Variants in ORC1 observed in about 807,000 individuals in gnomAD.
ORC1 encodes origin recognition complex, subunit 1 homolog.
In ORC1, 61 loss-of-function variants were observed where a neutral mutation model predicts 98.9. That is an observed-to-expected ratio of 0.62 (90% confidence interval 0.50 to 0.76). The LOEUF (loss-of-function observed/expected upper bound fraction) is 0.76, where lower values mean the gene tolerates loss of function less well. ORC1 is among the 30% of genes least tolerant of loss of function. ORC1 has a pLI of 0.00. For missense variants in ORC1, 979 were observed against 1,072.2 expected, an observed-to-expected ratio of 0.91 and a Z score of 1.21; for synonymous variants, 385 against 406.9, an observed-to-expected ratio of 0.95 and a Z score of 0.65.
At chr1:52,402,745 C>A (rs1338473056) in intron 1 of ORC1, among the ~76,000 whole-genome samples, 1 of 152,096 alleles carries the variant, frequency 6.6e-6, no homozygotes, top group Non-Finnish European at 1.5e-5. Context: ...ACCAGCCTGG[C>A]CAACATGGTG....
chr1:52,385,367 T>C (rs1258332725), intron 9 of ORC1, 105 bp from the exon 10 acceptor site: 4 of 851,834 alleles, frequency 4.7e-6, no homozygotes, highest in Non-Finnish European at 8.2e-6. Context: ...TCTATGTTTC[T>C]ACCTGAAAAC....
chr1:52,402,011 T>C (rs1383983091), intron 2 of ORC1, 118 bp downstream of exon 2: 1 of 815,502 alleles, frequency 1.2e-6, no homozygotes, highest in East Asian at 2.6e-5. Context: ...TTACAATCAG[T>C]TCTAATCTCC....
At chr1:52,374,926 T>C (rs1646974848) in intron 15 of ORC1, 29 bp from the exon 16 acceptor site, 1 of 1,443,990 alleles carries the variant, frequency 6.9e-7, no homozygotes, top group Non-Finnish European at 9.8e-7. Flanking sequence ...ATGTGAGTTT[T>C]TGTCAGTGGC....
upstream of ORC1, chr1:52,404,631 T>A: frequency 3.5e-6 from 4 of 1,133,432 alleles, no homozygotes; most frequent in South Asian, 6.2e-5. Flanking sequence ...TTCAAGATGG[T>A]CGCCTAAGCT....
upstream of ORC1, chr1:52,404,952 T>C (rs1569969962): frequency 3.8e-6 from 6 of 1,560,794 alleles, no homozygotes; most frequent in East Asian, 1.3e-4. Context: ...CGGGTAGGAC[T>C]AGCGACTGGC....
chr1:52,407,674 AC>A (rs1648036817), upstream of ORC1, among the ~76,000 whole-genome samples: 1 of 152,214 alleles, frequency 6.6e-6, no homozygotes, highest in South Asian at 2.1e-4. Flanking sequence ...TAATCCCAGC[AC>A]TTTGGGAGGC....
At chr1:52,389,850 A>G (rs1465766845) in intron 6 of ORC1, among the ~76,000 whole-genome samples, 1 of 152,244 alleles carries the variant, frequency 6.6e-6, no homozygotes, top group Non-Finnish European at 1.5e-5. Flanking sequence ...ATTTGAGAAT[A>G]GTCTCCAGTT....
chr1:52,404,227 C>G lies in ORC1; in HGVS notation c.-6+19G>C, dbSNP rs1647878267. The G allele has an allele frequency of 1.3e-5, 2 of 158,824 alleles. No individual in the cohort carries two copies. The highest frequency in any genetic ancestry group is 2.8e-5 in the Non-Finnish European group (2 of 71,212). The allele number at this position is 158,824 out of a possible 1,614,324, so 9.8% of individuals were successfully genotyped here. ...GCCCTCCCCCGAGTCCCTCGCAGCCCGCTGGACGCCACACTCACCCGGCTC... is the reference window on the plus strand; with the variant it reads ...GCCCTCCCCCGAGTCCCTCGCAGCCGGCTGGACGCCACACTCACCCGGCTC... On this transcript the variant is annotated intron_variant, in intron 1 of 16. Transcript: ENST00000371568.
intron 15 of ORC1, 113 bp from the exon 16 acceptor site, chr1:52,375,010 T>C: frequency 1.4e-6 from 1 of 725,702 alleles, no homozygotes; most frequent in Non-Finnish European, 2.5e-6. Flanking sequence ...CGGGAAATAA[T>C]TTCTCCTATA....
chr1:52,389,338 C>T lies in ORC1; in HGVS notation c.1083-17G>A, dbSNP rs772128123. ...TTTGCATCCCTGCAAGAAACCACAG[C>T]GAGGTCACGGGAAGCAGTTTTGGAT... On this transcript the variant is annotated splice_polypyrimidine_tract_variant and intron_variant, in intron 6 of 16. Transcript: ENST00000371568. 12 of 1,603,100 alleles carry T rather than the reference C, an allele frequency of 7.5e-6. No homozygotes were observed. The highest frequency in any genetic ancestry group is 6.6e-5 in the South Asian group (6 of 90,862).
intron 1 of ORC1, among the ~76,000 whole-genome samples, chr1:52,403,689 G>T (rs902841927): frequency 1.3e-5 from 2 of 152,088 alleles, no homozygotes; most frequent in African/African-American, 4.8e-5. Context: ...AAGTAGGAAG[G>T]GGGCCACCAG....
rs1289023481 is a variant in ORC1, at chr1:52,393,539, T to TCTATG, written c.981_985dup (p.Asp329AlafsTer2). 1 of 1,614,004 alleles carries TCTATG rather than the reference T, an allele frequency of 6.2e-7. No homozygotes were observed. Among genetic ancestry groups the TCTATG allele is most frequent in the African/African-American group, 1.3e-5 (1 of 74,904 alleles). On this transcript the variant is annotated stop_gained and frameshift_variant, in exon 6 of 17. Coordinates refer to ENST00000371568, the MANE Select transcript of ORC1 (RefSeq NM_004153.4). LOFTEE classifies it high-confidence loss of function. ...GGTAAGTGTTCTCTCCTCTCTAATG[T>TCTATG]CTATGGTTTTCGAAGCTGCAATTCG... is the stretch of plus-strand genomic sequence containing the variant.
upstream of ORC1, chr1:52,404,740 G>A (rs199658625): frequency 7.6e-5 from 122 of 1,612,016 alleles, no homozygotes; most frequent in South Asian, 2.2e-4. Context: ...AGAATTGAAG[G>A]CATTCTAAAA....
At chr1:52,400,738 G>A (rs137907972) in intron 3 of ORC1, among the ~76,000 whole-genome samples, 6 of 152,298 alleles carry the variant, frequency 3.9e-5, no homozygotes, top group Middle Eastern at 3.4e-3. Context: ...TAAGGCTTTC[G>A]ATGTGGGCTT....
At chr1:52,373,488 C>CACTCCAGAAGGCATCAGTTGGT (rs1646960020) in intron 16 of ORC1, 113 bp from the exon 17 acceptor site, 2 of 895,302 alleles carry the variant, frequency 2.2e-6, no homozygotes, top group Admixed American at 4.0e-5. Context: ...GGATATCAAA[C>CACTCCAGAAGGCATCAGTTGGT]ACTCCAGAAG....
chr1:52,399,975 C>T (rs112842606), intron 3 of ORC1, among the ~76,000 whole-genome samples: 1 of 152,198 alleles, frequency 6.6e-6, no homozygotes, highest in Non-Finnish European at 1.5e-5. Context: ...AGTGCCTCAT[C>T]ATCATCCTCT....
At chr1:52,396,908 C>T (rs1424723118) in intron 4 of ORC1, among the ~76,000 whole-genome samples, 3 of 152,164 alleles carry the variant, frequency 2.0e-5, no homozygotes, top group Non-Finnish European at 4.4e-5. Flanking sequence ...CCTCATTTTA[C>T]CTACAGAGTG....
Position 52,374,915 on chromosome 1 carries a change from G to A in ORC1, c.2304-18C>T, listed in dbSNP as rs1021416153. The A allele has an allele frequency of 1.9e-6, 3 of 1,566,492 alleles. No individual in the cohort carries two copies. The highest frequency in any genetic ancestry group is 2.6e-6 in the Non-Finnish European group (3 of 1,136,994). ...AGGAATTTCTTAAAGGAAACGAGGG[G>A]ATGTGAGTTTTTGTCAGTGGCTGTA... On this transcript the variant is annotated intron_variant, in intron 15 of 16. Coordinates refer to ENST00000371568, the MANE Select transcript of ORC1 (RefSeq NM_004153.4).
chr1:52,383,767 A>G (rs970681086), intron 12 of ORC1, 63 bp downstream of exon 12: 1 of 1,447,188 alleles, frequency 6.9e-7, no homozygotes, highest in African/African-American at 1.4e-5. Context: ...CCTCCCTCCC[A>G]TCCAGCACTT....
Sources: allele counts gnomAD v4.1 joint callset (sites outside exome capture counted in the v4.1 genomes callset), GRCh38; gene constraint gnomAD v4.1.1; transcripts MANE v1.5; gene names NCBI Gene and HGNC (gene_info 2026-07-23, HGNC 2026-07-21).